ERICH6: variants seen among roughly 807,000 people sequenced by gnomAD.
The protein encoded by ERICH6 is glutamate rich 6.
A neutral mutation model predicts 71.0 loss-of-function variants in ERICH6; 71 were observed. That is an observed-to-expected ratio of 1.00 (90% CI 0.83 to 1.22). The LOEUF is 1.22. Ranked by LOEUF, ERICH6 falls within the 50% of genes most tolerant of loss-of-function variation. The pLI, the probability that ERICH6 is intolerant of heterozygous loss-of-function variation, is 0.00. For missense variants in ERICH6, 808 were observed against 797.2 expected (o/e 1.01, Z -0.16); for synonymous variants, 262 against 278.4 (o/e 0.94, Z 0.59).
At chr3:150,691,609 T>C (rs899697757) in intron 3 of ERICH6, among the ~76,000 whole-genome samples, 1 of 152,164 alleles carries the variant, frequency 6.6e-6, no homozygotes, top group Non-Finnish European at 1.5e-5. Context: ...AATCATGTCA[T>C]GAATGGTCTG....
chr3:150,685,468 T>C (rs1712140824), intron 6 of ERICH6, among the ~76,000 whole-genome samples: 1 of 152,134 alleles, frequency 6.6e-6, no homozygotes, highest in South Asian at 2.1e-4. Context: ...TTCCCCTATA[T>C]GTTGGCCCTG....
At chr3:150,675,569 A>C (rs1392629097) in intron 10 of ERICH6, among the ~76,000 whole-genome samples, 1 of 152,120 alleles carries the variant, frequency 6.6e-6, no homozygotes, top group Non-Finnish European at 1.5e-5. Flanking sequence ...GGCTGGTCTC[A>C]AACTCCCTAC....
chr3:150,703,485 G>A lies in ERICH6; in HGVS notation c.403+11C>T. The A allele has an allele frequency of 6.4e-7, 1 of 1,570,870 alleles. No homozygotes were observed. Among genetic ancestry groups the A allele is most frequent in the Non-Finnish European group, 8.6e-7 (1 of 1,158,570 alleles). On this transcript the variant is annotated intron_variant, in intron 1 of 13. Coordinates refer to ENST00000295910, the MANE Select transcript of ERICH6 (RefSeq NM_152394.5). ...GAAACCCTCGAGGAAGGGGTGGGTCGGGGGCGGTACTTTTATGCGAGGAGG... is the reference window on the plus strand; with the variant it reads ...GAAACCCTCGAGGAAGGGGTGGGTCAGGGGCGGTACTTTTATGCGAGGAGG...
chr3:150,694,306 A>T (rs1712570289), intron 3 of ERICH6, among the ~76,000 whole-genome samples: 1 of 152,190 alleles, frequency 6.6e-6, no homozygotes, highest in African/African-American at 2.4e-5. Context: ...CTTTAAAAGA[A>T]AAGGGAGAAG....
At chr3:150,669,022 G>A (rs548091604) in intron 12 of ERICH6, among the ~76,000 whole-genome samples, 1 of 152,056 alleles carries the variant, frequency 6.6e-6, no homozygotes, top group South Asian at 2.1e-4. Context: ...CATTTATCAA[G>A]TTTTTTTGTA....
At chr3:150,686,139 G>A in intron 4 of ERICH6, 118 bp from the exon 5 acceptor site, 4 of 1,188,228 alleles carry the variant, frequency 3.4e-6, no homozygotes, top group Non-Finnish European at 5.0e-6. Context: ...CGCACACACT[G>A]TTCAGATGCC....
intron 13 of ERICH6, among the ~76,000 whole-genome samples, chr3:150,663,110 A>G (rs911061748): frequency 6.6e-6 from 1 of 152,206 alleles, no homozygotes; most frequent in African/African-American, 2.4e-5. Context: ...GACCAGACTT[A>G]CGTTTTCAAA....
chr3:150,699,336 C>T (rs1285782932), intron 2 of ERICH6, among the ~76,000 whole-genome samples: 3 of 152,182 alleles, frequency 2.0e-5, no homozygotes, highest in South Asian at 4.1e-4. Context: ...AACAAATAAA[C>T]CATGACCATA....
rs771318014 is a variant in ERICH6, at chr3:150,674,050, C to T, written c.1258-9G>A. 6.2e-7 allele frequency: 1 copy of T among 1,610,140 alleles called. No individual in the cohort carries two copies. The highest frequency in any genetic ancestry group is 1.7e-5 in the Admixed American group (1 of 59,390). On this transcript the variant is annotated splice_polypyrimidine_tract_variant and intron_variant, in intron 10 of 13. Transcript: ENST00000295910. ...AGCTCATTCCTGACAACCTATACAC[C>T]ACAGAAAAGAAAAGACACTTAATTG...
chr3:150,669,429 TG>T lies in ERICH6; in HGVS notation c.1365del (p.Ile456SerfsTer8). ...TQIFYPSGNL[A>X]IIRVPNKVNG... Reference sequence around the variant, plus strand: ...TTTACCTTGTTGGGCACTCGAATGATGGCTAGGTTTCCAGATGGATAGCTGA... The same window carrying T: ...TTTACCTTGTTGGGCACTCGAATGATGCTAGGTTTCCAGATGGATAGCTGA... On this transcript the variant is annotated frameshift_variant, in exon 12 of 14. Coordinates refer to ENST00000295910, the MANE Select transcript of ERICH6 (RefSeq NM_152394.5). LOFTEE classifies it high-confidence loss of function. 6.2e-7 allele frequency: 1 copy of T among 1,613,734 alleles called. No individual in the cohort carries two copies. The highest frequency in any genetic ancestry group is 8.5e-7 in the Non-Finnish European group (1 of 1,179,902).
chr3:150,700,855 T>A (rs535289969), intron 2 of ERICH6, among the ~76,000 whole-genome samples: 2 of 152,346 alleles, frequency 1.3e-5, no homozygotes, highest in South Asian at 4.1e-4. Context: ...GTGCTGGGAT[T>A]ACAGGTGTGA....
At chr3:150,670,273 A>G (rs1711498170) in intron 11 of ERICH6, among the ~76,000 whole-genome samples, 1 of 152,014 alleles carries the variant, frequency 6.6e-6, no homozygotes, top group Admixed American at 6.6e-5. Context: ...TCATGAGGTC[A>G]GGAGATTGAG....
Position 150,703,882 on chromosome 3 carries a change from G to A in ERICH6, c.17C>T (p.Ser6Leu). MAHLR[S>L]PSGFGDPGKK... The stretch of plus-strand genomic sequence containing the variant: ...CCCCGGGTCTCCGAAGCCGCTAGGC[G>A]AGCGCAAGTGGGCCATGGCTGGCGG... The change falls in exon 1 of 14, where the codon TCG (serine) becomes TTG (leucine). Residue 6 changes from serine (S) to leucine (L), a missense_variant. Ser to Leu is a moderately radical substitution (Grantham distance 145, BLOSUM62 -2). This residue lies in a region of ERICH6 where 53 missense variants were observed against 40.6 expected (regional missense o/e 1.30). Transcript: ENST00000295910. The A allele has an allele frequency of 6.2e-7, 1 of 1,613,888 alleles. No individual in the cohort carries two copies. Among genetic ancestry groups the A allele is most frequent in the Non-Finnish European group, 8.5e-7 (1 of 1,179,926 alleles).
chr3:150,691,630 A>C (rs997080735), intron 3 of ERICH6, among the ~76,000 whole-genome samples: 3 of 152,184 alleles, frequency 2.0e-5, no homozygotes, highest in African/African-American at 7.2e-5. Flanking sequence ...TGTAAGTCAC[A>C]ATAAGAGGAT....
At chr3:150,669,952 C>T (rs1026395776) in intron 11 of ERICH6, among the ~76,000 whole-genome samples, 1 of 151,920 alleles carries the variant, frequency 6.6e-6, no homozygotes, top group African/African-American at 2.4e-5. Context: ...CCAGCACTTA[C>T]GGAGGCCAAG....
At chr3:150,668,408 C>T (rs1354799676) in intron 12 of ERICH6, among the ~76,000 whole-genome samples, 1 of 152,078 alleles carries the variant, frequency 6.6e-6, no homozygotes. Context: ...CTGGAAGAAC[C>T]GATTGGTTTC....
At chr3:150,677,378 G>C (rs1250579002) in intron 10 of ERICH6, among the ~76,000 whole-genome samples, 1 of 151,890 alleles carries the variant, frequency 6.6e-6, no homozygotes, top group Non-Finnish European at 1.5e-5. Context: ...ATGGTATTTA[G>C]TATAGCAAAA....
chr3:150,703,346 C>T, intron 1 of ERICH6, 150 bp downstream of exon 1: 2 of 1,397,122 alleles, frequency 1.4e-6, no homozygotes, highest in Non-Finnish European at 1.9e-6. Context: ...CTGACAAGGG[C>T]GTGAGAGAGA....
At chr3:150,681,766 G>A (rs1361971978) in intron 7 of ERICH6, among the ~76,000 whole-genome samples, 2 of 147,028 alleles carry the variant, frequency 1.4e-5, no homozygotes, top group Non-Finnish European at 3.0e-5. Flanking sequence ...GTATCCCACT[G>A]TGCTTGTGAT....
Sources: gnomAD v4.1 joint callset for allele counts (sites outside exome capture counted in the v4.1 genomes callset) on GRCh38, gnomAD v4.1.1 for gene constraint, gnomAD v4.1.1 regional missense constraint, MANE v1.5 for transcripts, NCBI Gene and HGNC (gene_info 2026-07-23, HGNC 2026-07-21) for gene names.